ABLIM1: variants seen among roughly 807,000 people sequenced by gnomAD.
ABLIM1 encodes the protein actin binding LIM protein 1.
In ABLIM1, 40 loss-of-function variants were observed where a neutral mutation model predicts 107.0. That is an observed-to-expected ratio of 0.37 (90% CI 0.29 to 0.49). ABLIM1 has a LOEUF of 0.49. Among genes scored for constraint, ABLIM1 ranks in the 20% least tolerant of loss-of-function variants. The pLI, the probability that ABLIM1 is intolerant of heterozygous loss-of-function variation, is 0.97. For synonymous variants in ABLIM1, 357 were observed against 357.3 expected (o/e 1.00, Z 0.01); for missense variants, 857 against 1,008.5 (o/e 0.85, Z 2.04).
chr10:114,662,818 C>A (rs1172978858), upstream of ABLIM1, among the ~76,000 whole-genome samples: 1 of 152,230 alleles, frequency 6.6e-6, no homozygotes, highest in Admixed American at 6.5e-5. Flanking sequence ...ATTAGTTTAA[C>A]AGGCACCAAG....
rs535725912 is a variant in ABLIM1, at chr10:114,691,179, G to A, written c.-213+76882C>T. 5.3e-5 allele frequency among the ~76,000 whole-genome samples: 8 copies of A among 152,002 alleles called. No homozygotes were observed. The East Asian group carries it at 5.8e-4, about 11-fold the overall frequency. On this transcript the variant is annotated intron_variant, in intron 1 of 15. Transcript: ENST00000651092. The stretch of plus-strand genomic sequence containing the variant: ...TGCAGAAGAGCACAGATTTGAACTC[G>A]GATCTCTATGTCTTGATCTCTGTGC...
intron 6 of ABLIM1, among the ~76,000 whole-genome samples, chr10:114,496,517 AG>A (rs771169311): frequency 1.3e-4 from 20 of 152,264 alleles, no homozygotes; most frequent in Admixed American, 7.8e-4. Flanking sequence ...TGGCGGGGGA[AG>A]AGCATTAAGA....
intron 1 of ABLIM1, among the ~76,000 whole-genome samples, chr10:114,716,087 T>C (rs1415754627): frequency 9.2e-5 from 14 of 152,164 alleles, no homozygotes; most frequent in African/African-American, 3.1e-4. Context: ...AAAATGGTAT[T>C]GTGAGAATAG....
intron 1 of ABLIM1, among the ~76,000 whole-genome samples, chr10:114,704,260 A>ATCTCTCTCTCTCTC (rs1346726796): frequency 2.0e-5 from 1 of 50,056 alleles, no homozygotes; most frequent in Non-Finnish European, 4.6e-5. Flanking sequence ...CTGACACTCT[A>ATCTCTCTCTCTCTC]TCTCTCTCTC....
chr10:114,536,854 C>T (rs930352459), intron 6 of ABLIM1, among the ~76,000 whole-genome samples: 2 of 152,112 alleles, frequency 1.3e-5, no homozygotes, highest in Non-Finnish European at 2.9e-5. Flanking sequence ...CAGCATCATC[C>T]ATCTACAACA....
At chr10:114,558,666 G>A (rs545220651) in intron 4 of ABLIM1, among the ~76,000 whole-genome samples, 1 of 152,276 alleles carries the variant, frequency 6.6e-6, no homozygotes, top group South Asian at 2.1e-4. Context: ...TTGAAAACTA[G>A]CTAGGAGCTG....
chr10:114,683,148 A>C (rs1320867723), intron 1 of ABLIM1, among the ~76,000 whole-genome samples: 5 of 152,252 alleles, frequency 3.3e-5, no homozygotes, highest in African/African-American at 7.2e-5. Context: ...CAGAATGTCA[A>C]AGAATCTTGT....
At chr10:114,787,140 C>T in the ABLIM1 span, among the ~76,000 whole-genome samples, 1 of 150,288 alleles carries the variant, frequency 6.7e-6, no homozygotes, top group Non-Finnish European at 1.5e-5. Context: ...AGCGCCTCTG[C>T]CCTGTCGCCC....
chr10:114,480,083 CT>C (rs896469525), intron 8 of ABLIM1, among the ~76,000 whole-genome samples: 2 of 152,244 alleles, frequency 1.3e-5, no homozygotes, highest in African/African-American at 4.8e-5. Context: ...ACAGTTTCTT[CT>C]TTACCATTAA....
At chr10:114,723,864 C>A (rs2081903001) in intron 1 of ABLIM1, among the ~76,000 whole-genome samples, 1 of 152,152 alleles carries the variant, frequency 6.6e-6, no homozygotes, top group African/African-American at 2.4e-5. Context: ...TCCTCCTACC[C>A]TGTGGAAAAA....
intron 12 of ABLIM1, chr10:114,463,031 AC>A: frequency 1.5e-6 from 2 of 1,321,272 alleles, no homozygotes; most frequent in Non-Finnish European, 2.0e-6. Flanking sequence ...GCCTGGAGAA[AC>A]CTGCCTCCTT....
intron 6 of ABLIM1, among the ~76,000 whole-genome samples, chr10:114,509,449 TC>T (rs1254868829): frequency 6.6e-6 from 1 of 152,102 alleles, no homozygotes; most frequent in African/African-American, 2.4e-5. Context: ...GTGCTGTTCT[TC>T]CCAATCCTTT....
intron 1 of ABLIM1, chr10:114,631,961 G>A: frequency 7.7e-7 from 1 of 1,303,824 alleles, no homozygotes; most frequent in South Asian, 1.2e-5. Flanking sequence ...AAGGAACGAG[G>A]AATAAACTCT....
At chr10:114,471,421 T>G (rs1049538495) in intron 10 of ABLIM1, among the ~76,000 whole-genome samples, 1 of 152,156 alleles carries the variant, frequency 6.6e-6, no homozygotes, top group East Asian at 1.9e-4. Context: ...CTCTATGCAC[T>G]TTGTTCAGGA....
At chr10:114,495,620 GTGCTGC>G (rs554585306) in intron 6 of ABLIM1, among the ~76,000 whole-genome samples, 1 of 151,834 alleles carries the variant, frequency 6.6e-6, no homozygotes, top group Non-Finnish European at 1.5e-5. Flanking sequence ...GGTGATGACG[GTGCTGC>G]TGCTGCTGCT....
chr10:114,582,866 ATAGAT>A (rs1486390306), intron 2 of ABLIM1, among the ~76,000 whole-genome samples: 2 of 152,212 alleles, frequency 1.3e-5, no homozygotes, highest in Non-Finnish European at 2.9e-5. Context: ...TTAACTCAAG[ATAGAT>A]TAAAGGCTTA....
intron 6 of ABLIM1, chr10:114,502,447 C>G (rs1167638710): frequency 1.3e-5 from 2 of 152,140 alleles, no homozygotes; most frequent in Non-Finnish European, 2.9e-5. Context: ...TACACCTCCC[C>G]CCACCTTCTT....
intron 1 of ABLIM1, among the ~76,000 whole-genome samples, chr10:114,716,020 C>T (rs1467683252): frequency 2.0e-5 from 3 of 152,212 alleles, no homozygotes; most frequent in East Asian, 1.9e-4. Flanking sequence ...CGCAGAAATT[C>T]TGTCTGTCTC....
At chr10:114,676,845 C>G (rs1341153063) in intron 1 of ABLIM1, among the ~76,000 whole-genome samples, 1 of 152,178 alleles carries the variant, frequency 6.6e-6, no homozygotes, top group Non-Finnish European at 1.5e-5. Flanking sequence ...AAGCGATTCT[C>G]CTGCCTCAGC....
Sources: allele counts gnomAD v4.1 joint callset (sites outside exome capture counted in the v4.1 genomes callset), GRCh38; gene constraint gnomAD v4.1.1; transcripts MANE v1.5; gene names NCBI Gene and HGNC (gene_info 2026-07-23, HGNC 2026-07-21).